Variants in ACTA2 observed in about 807,000 individuals in gnomAD.
The protein encoded by ACTA2 is actin alpha 2, smooth muscle.
A neutral mutation model predicts 39.5 loss-of-function variants in ACTA2; 12 were observed. The observed-to-expected ratio is 0.30, with a 90% CI of 0.19 to 0.49. The LOEUF is 0.49. Among genes scored for constraint, ACTA2 ranks in the 20% least tolerant of loss-of-function variants. The pLI, the probability that ACTA2 is intolerant of heterozygous loss-of-function variation, is 0.99. For missense variants in ACTA2, 236 were observed against 498.8 expected, an observed-to-expected ratio of 0.47 and a Z score of 5.02; for synonymous variants, 158 against 180.6, an observed-to-expected ratio of 0.88 and a Z score of 1.00.
chr10:88,971,496 G>C (rs1298612292), intron 1 of ACTA2, among the ~76,000 whole-genome samples: 1 of 152,228 alleles, frequency 6.6e-6, no homozygotes, highest in Non-Finnish European at 1.5e-5. Context: ...ATGAGTGGCA[G>C]ACATATTTCC....
upstream of ACTA2, among the ~76,000 whole-genome samples, chr10:88,955,774 G>A (rs539055720): frequency 9.8e-5 from 15 of 152,338 alleles, 1 homozygote; most frequent in East Asian, 1.9e-3. Flanking sequence ...AGGAAGGAAT[G>A]CAGTGACAAT....
chr10:88,936,316 C>T (rs556102181), intron 8 of ACTA2, among the ~76,000 whole-genome samples: 39 of 152,172 alleles, frequency 2.6e-4, no homozygotes, highest in East Asian at 3.9e-4. Context: ...TTAAAAATAA[C>T]CTTTTTATTT....
At chr10:88,953,064 T>G (rs1007492653), upstream of ACTA2, among the ~76,000 whole-genome samples, 1 of 152,348 alleles carries the variant, frequency 6.6e-6, no homozygotes, top group Middle Eastern at 3.4e-3. Flanking sequence ...GCTAGGGTAA[T>G]GGGCAGATGC....
At chr10:88,962,902 G>T (rs919785188) in intron 1 of ACTA2, among the ~76,000 whole-genome samples, 1 of 82,742 alleles carries the variant, frequency 1.2e-5, no homozygotes. Context: ...GTGAGTGCAG[G>T]GGAATGCCCC....
rs781108632 is a variant in ACTA2, at chr10:88,935,172, AC to A, written c.*50del. 12 of 1,608,498 alleles carry A rather than the reference AC, an allele frequency of 7.5e-6. No individual in the cohort carries two copies. The highest frequency in any genetic ancestry group is 9.3e-6 in the Non-Finnish European group (11 of 1,177,024). On this transcript the variant is annotated 3_prime_UTR_variant, in exon 9 of 9. Transcript: ENST00000224784. ...GGAAAAGAACTGAAGGCATAATTCC[AC>A]AGGACATTCACAGTTGTGTGCTAGA...
chr10:88,960,635 G>T (rs746590893), intron 1 of ACTA2, among the ~76,000 whole-genome samples: 2 of 147,378 alleles, frequency 1.4e-5, no homozygotes, highest in South Asian at 2.1e-4. Flanking sequence ...TGGCCCGAAG[G>T]TTCCTGGAAT....
chr10:88,943,937 C>A (rs775706604), intron 3 of ACTA2, 30 bp from the exon 4 acceptor site: 4 of 1,593,578 alleles, frequency 2.5e-6, no homozygotes, highest in Non-Finnish European at 3.4e-6. Flanking sequence ...AGGAGAAACA[C>A]AATGATGTGC....
chr10:88,991,032 C>T, exon 1 of ACTA2: 8 of 1,295,194 alleles, frequency 6.2e-6, no homozygotes, highest in Non-Finnish European at 8.8e-6. Flanking sequence ...CTGGGAGCGG[C>T]GGGCTGCTGC....
chr10:88,935,486 G>C (rs3781212), intron 8 of ACTA2, 120 bp from the exon 9 acceptor site: 9 of 1,174,854 alleles, frequency 7.7e-6, no homozygotes, highest in South Asian at 1.2e-5. Flanking sequence ...AGGGACACAG[G>C]CTTGTCTGTT....
intron 1 of ACTA2, chr10:88,975,162 A>G (rs973827165): frequency 2.5e-4 from 38 of 152,292 alleles, no homozygotes; most frequent in African/African-American, 9.1e-4. Context: ...TTAAAAAAAA[A>G]AAAAACTCTC....
intron 1 of ACTA2, among the ~76,000 whole-genome samples, chr10:88,971,305 A>C (rs1201313512): frequency 6.6e-6 from 1 of 152,242 alleles, no homozygotes; most frequent in East Asian, 1.9e-4. Context: ...AACTTGATAA[A>C]ATAAGTACAG....
intron 1 of ACTA2, among the ~76,000 whole-genome samples, chr10:88,987,918 C>T (rs1846952652): frequency 6.6e-6 from 1 of 152,060 alleles, no homozygotes; most frequent in South Asian, 2.1e-4. Flanking sequence ...TGTCAATAGG[C>T]CTTATCCAGT....
Position 88,990,383 on chromosome 10 carries a change from A to T in ACTA2, c.-24+556T>A, listed in dbSNP as rs1847087786. ...TCCCCAACTTCCCAGGTTGAACTAC[A>T]GCAGAAGCCTTTAGAAAGGGCAGGA... On this transcript the variant is annotated intron_variant, in intron 1 of 4. Coordinates refer to the ACTA2 transcript ENST00000415557. This position sits in a 1 kb window ranked among gnomAD's most constrained non-coding sequence, Gnocchi z 4.9. The T allele has an allele frequency of 9.4e-6, 4 of 426,094 alleles. No homozygotes were observed. Among genetic ancestry groups the T allele is most frequent in the South Asian group, 8.1e-5 (4 of 49,166 alleles). The allele number at this position is 426,094 out of a possible 1,614,324, so 26.4% of individuals were successfully genotyped here.
At chr10:88,951,548 T>C (rs1846050149) in intron 1 of ACTA2, among the ~76,000 whole-genome samples, 1 of 152,002 alleles carries the variant, frequency 6.6e-6, no homozygotes, top group Admixed American at 6.6e-5. Context: ...TGTTATAATG[T>C]CCAAAAGGAG....
intron 1 of ACTA2, among the ~76,000 whole-genome samples, chr10:88,986,963 G>A (rs1846913444): frequency 6.6e-6 from 1 of 152,158 alleles, no homozygotes; most frequent in South Asian, 2.1e-4. Context: ...CTTTAATCCT[G>A]TAGGAAATAA....
chr10:88,956,507 T>G (rs1846141110), upstream of ACTA2, among the ~76,000 whole-genome samples: 1 of 152,192 alleles, frequency 6.6e-6, no homozygotes, highest in African/African-American at 2.4e-5. Context: ...CATTTTAAGA[T>G]TATCGATTTA....
intron 1 of ACTA2, among the ~76,000 whole-genome samples, chr10:88,986,133 C>T (rs1007132333): frequency 1.3e-5 from 2 of 152,052 alleles, no homozygotes. Context: ...ACAGAAATGG[C>T]AAAATAGATT....
At chr10:88,960,981 T>C (rs946288348) in intron 1 of ACTA2, among the ~76,000 whole-genome samples, 10 of 152,284 alleles carry the variant, frequency 6.6e-5, no homozygotes, top group Non-Finnish European at 1.3e-4. Context: ...TGTTCAATTT[T>C]AGTAATCAAG....
At chr10:88,939,784 C>G (rs770352718) in intron 6 of ACTA2, 86 bp from the exon 7 acceptor site, 34 of 1,376,762 alleles carry the variant, frequency 2.5e-5, no homozygotes, top group Non-Finnish European at 3.4e-5. Context: ...GTCTCTCCCT[C>G]AAGACATGTG....
Sources: gnomAD v4.1 joint callset for allele counts (sites outside exome capture counted in the v4.1 genomes callset) on GRCh38, gnomAD v4.1.1 for gene constraint, Gnocchi (gnomAD v3.1) non-coding constraint, MANE v1.5 for transcripts, NCBI Gene and HGNC (gene_info 2026-07-23, HGNC 2026-07-21) for gene names.